The following AP3B2 variants were observed in gnomAD, a reference collection of about 807,000 sequenced individuals.
The protein encoded by AP3B2 is AP-3 complex subunit beta-2.
Under a neutral mutation model 126.9 loss-of-function variants are expected in AP3B2, and 50 were observed. The observed-to-expected ratio is 0.39, with a 90% confidence interval of 0.31 to 0.50. The LOEUF (loss-of-function observed/expected upper bound fraction) is 0.50, where lower values mean the gene tolerates loss of function less well. Among genes scored for constraint, AP3B2 ranks in the 20% least tolerant of loss-of-function variants. The pLI is 0.79. For missense variants in AP3B2, 1,177 were observed against 1,426.4 expected, an observed-to-expected ratio of 0.83 and a Z score of 2.82; for synonymous variants, 541 against 565.0, an observed-to-expected ratio of 0.96 and a Z score of 0.60.
intron 14 of AP3B2, among the ~76,000 whole-genome samples, chr15:82,670,804 A>C (rs752212564): frequency 3.9e-5 from 6 of 152,226 alleles, no homozygotes; most frequent in African/African-American, 7.2e-5. Context: ...CCATCTGACA[A>C]GGGATTAATA....
chr15:82,684,706 G>T (rs890281219), intron 4 of AP3B2, among the ~76,000 whole-genome samples: 1 of 152,032 alleles, frequency 6.6e-6, no homozygotes, highest in African/African-American at 2.4e-5. Flanking sequence ...TTATAGAGAC[G>T]GTCTTGAACC....
rs1360845622 is a variant in AP3B2, at chr15:82,672,835, A to T, written c.1665+3626T>A. Among the ~76,000 whole-genome samples the T allele has an allele frequency of 2.6e-5, 4 of 152,324 alleles. No individual in the cohort carries two copies. The East Asian group carries it at 7.7e-4, about 29-fold the overall frequency. On this transcript the variant is annotated intron_variant, in intron 14 of 26. Coordinates refer to ENST00000535359, the MANE Select transcript of AP3B2 (RefSeq NM_001278512.2). ...CCTTGTGGCTTTGGAGAAATTAAGC[A>T]TCCGTGTTGGGAGGCCCCTATGGCA...
chr15:82,663,824 G>T lies in AP3B2; in HGVS notation c.2413C>A (p.Pro805Thr), dbSNP rs1227217372. The change falls in exon 20 of 27, where the codon CCT becomes ACT. Residue 805 changes from proline (P) to threonine (T), a missense_variant. This residue lies in a region of AP3B2 where 587 missense variants were observed against 571.3 expected (regional missense o/e 1.03). Coordinates refer to ENST00000535359, the MANE Select transcript of AP3B2 (RefSeq NM_001278512.2). ...TSESEEEQLE[P>T]ASWSRKTPPS... ...ACTGTTTTCCTGCTCCAGGAGGCAG[G>T]TTCTAACTGCTCCTCCTCGGACTCC... is the stretch of plus-strand genomic sequence containing the variant. 1 of 1,613,692 alleles carries T rather than the reference G, an allele frequency of 6.2e-7. No individual in the cohort carries two copies. The highest frequency in any genetic ancestry group is 1.1e-5 in the South Asian group (1 of 90,972).
rs376550947 is a variant in AP3B2, at chr15:82,663,227, G to A, written c.2504C>T (p.Pro835Leu). The change falls in exon 22 of 27, where the codon CCT becomes CTT. Residue 835 changes from proline (P) to leucine (L), a missense_variant. Physicochemically the swap from Pro to Leu is moderately conservative, Grantham distance 98. This residue lies in a region of AP3B2 where 587 missense variants were observed against 571.3 expected (regional missense o/e 1.03). Transcript: ENST00000535359. ...GGGAGACACAGGCTGGACACTGGGAGGGGTGACTGTGGGAGTAGATAAGAC... is the reference window on the plus strand; with the variant it reads ...GGGAGACACAGGCTGGACACTGGGAAGGGTGACTGTGGGAGTAGATAAGAC... ...ISLLDLEDFT[P>L]PSVQPVSPPA... is the part of the protein sequence containing the mutation. 3 of 1,612,360 alleles carry A rather than the reference G, an allele frequency of 1.9e-6. No individual in the cohort carries two copies. Among genetic ancestry groups the A allele is most frequent in the Admixed American group, 3.3e-5 (2 of 59,936 alleles).
In AP3B2 at chr15:82,664,055, A is replaced by G. The variant is rs973449440; in HGVS notation, c.2262-80T>C. ...TCACAGAAGCAGGAGAAATGCTGAAAAGCTGGAGTGGTGTGGGGAGCCTGA... is the reference window on the plus strand; with the variant it reads ...TCACAGAAGCAGGAGAAATGCTGAAGAGCTGGAGTGGTGTGGGGAGCCTGA... On this transcript the variant is annotated intron_variant, in intron 19 of 26. Coordinates refer to ENST00000535359, the MANE Select transcript of AP3B2 (RefSeq NM_001278512.2). This position sits in a 1 kb window ranked among gnomAD's most constrained non-coding sequence, Gnocchi z 4.5. 1 of 1,511,018 alleles carries G rather than the reference A, an allele frequency of 6.6e-7. No individual in the cohort carries two copies. The highest frequency in any genetic ancestry group is 8.8e-7 in the Non-Finnish European group (1 of 1,132,340). 93.6% of individuals were successfully genotyped at this position (1,511,018 alleles called of 1,614,324 possible). A position where few individuals can be genotyped will look rare whatever the true frequency, so the allele number is the denominator to read the frequency against.
At position 82,663,956 on chromosome 15, in the gene AP3B2, C is replaced by G. The variant is rs2048005309; in HGVS notation, c.2281G>C (p.Gly761Arg). 1.2e-6 allele frequency: 2 copies of G among 1,605,252 alleles called. No homozygotes were observed. The highest frequency in any genetic ancestry group is 1.3e-5 in the African/African-American group (1 of 74,930). ...ACCTTCTTCTTTGTCTTCCTCTTAC[C>G]ATCCTCCTCACTCTGTTCACTGAAG... ...GSESEQSEED[G>R]KRKTKKKVPE... is the part of the protein sequence containing the mutation. The change falls in exon 20 of 27, where the codon GGT becomes CGT. Residue 761 changes from glycine to arginine, a missense_variant. This residue lies in a region of AP3B2 where 587 missense variants were observed against 571.3 expected (regional missense o/e 1.03). Coordinates refer to ENST00000535359, the MANE Select transcript of AP3B2 (RefSeq NM_001278512.2).
chr15:82,674,752 G>A (rs556068482), intron 14 of AP3B2, among the ~76,000 whole-genome samples: 1 of 152,260 alleles, frequency 6.6e-6, no homozygotes, highest in Non-Finnish European at 1.5e-5. Flanking sequence ...AATGACATGT[G>A]GACAGGCCCA....
intron 23 of AP3B2, 109 bp from the exon 24 acceptor site, chr15:82,662,361 C>A: frequency 1.1e-6 from 1 of 887,024 alleles, no homozygotes; most frequent in Non-Finnish European, 1.8e-6. Flanking sequence ...CTGACCAGCC[C>A]TCTACAGAAT....
chr15:82,663,891 G>A lies in AP3B2; in HGVS notation c.2346C>T (p.Gly782=). The A allele has an allele frequency of 6.2e-7, 1 of 1,613,628 alleles. No homozygotes were observed. The highest frequency in any genetic ancestry group is 8.5e-7 in the Non-Finnish European group (1 of 1,179,870). ...CTGATGAGCTACTGCTGGAATCGCT[G>A]CCCTCATCAGAGGATGACGCTTCTC... ...RKGEASSSDE[G]SDSSSSSSES... The change falls in exon 20 of 27, where the codon GGC becomes GGT. Residue 782 remains glycine (G), a synonymous_variant. Coordinates refer to ENST00000535359, the MANE Select transcript of AP3B2 (RefSeq NM_001278512.2).
intron 4 of AP3B2, chr15:82,686,576 T>C (rs944354595): frequency 3.3e-5 from 5 of 152,254 alleles, no homozygotes; most frequent in Non-Finnish European, 7.3e-5. Flanking sequence ...TCATTTCTTA[T>C]GGATATTCAT....
intron 14 of AP3B2, among the ~76,000 whole-genome samples, chr15:82,671,924 A>G (rs971284429): frequency 3.3e-5 from 5 of 151,862 alleles, no homozygotes; most frequent in African/African-American, 4.8e-5. Flanking sequence ...GGCGCCTGTA[A>G]TCCCAGCTAC....
Position 82,663,599 on chromosome 15 carries a change from G to A in AP3B2, c.2458C>T (p.Pro820Ser), listed in dbSNP as rs201703765. ...RKTPPSSKSA[P>S]ATKEISLLDL... ...AGCAGGGAGATCTCCTTGGTTGCAG[G>A]AGCACTTTTGCTGCTGGGAGGCTGA... The change falls in exon 21 of 27, where the codon CCT becomes TCT. Residue 820 changes from proline to serine, a missense_variant. Pro to Ser is a moderately conservative substitution (Grantham distance 74). Coordinates refer to ENST00000535359, the MANE Select transcript of AP3B2 (RefSeq NM_001278512.2). 6.2e-7 allele frequency: 1 copy of A among 1,613,874 alleles called. No homozygotes were observed. Among genetic ancestry groups the A allele is most frequent in the African/African-American group, 1.3e-5 (1 of 75,038 alleles).
chr15:82,709,561 C>A, intron 1 of AP3B2, 33 bp downstream of exon 1: 2 of 1,461,590 alleles, frequency 1.4e-6, no homozygotes, highest in Non-Finnish European at 1.8e-6. Context: ...CCGGCCCCAA[C>A]CCTCCCGCGA....
chr15:82,683,839 G>C (rs1596185634), intron 4 of AP3B2, among the ~76,000 whole-genome samples: 1 of 152,178 alleles, frequency 6.6e-6, no homozygotes, highest in South Asian at 2.1e-4. Context: ...GTGTTAGCAG[G>C]CATGAAATCA....
At position 82,681,119 on chromosome 15, in the gene AP3B2, T is replaced by C; in HGVS notation, c.581A>G (p.Lys194Arg). Reference protein sequence around the residue: ...IEVIEKLLADKTTLVAGSVVM... With the variant: ...IEVIEKLLADRTTLVAGSVVM... ...GCGCCCCTATACACGCACCGTGGTCTTGTCAGCCAGAAGCTTCTCAATGAC... is the reference window on the plus strand; with the variant it reads ...GCGCCCCTATACACGCACCGTGGTCCTGTCAGCCAGAAGCTTCTCAATGAC... Residue 194 changes from lysine to arginine, a missense_variant, in exon 6 of 27, where the codon AAG becomes AGG. Physicochemically the swap from Lys to Arg is conservative, Grantham distance 26. Transcript: ENST00000535359. This position sits in a 1 kb window ranked among gnomAD's most constrained non-coding sequence, Gnocchi z 4.0. The C allele has an allele frequency of 6.2e-7, 1 of 1,613,544 alleles. No individual in the cohort carries two copies. The highest frequency in any genetic ancestry group is 8.5e-7 in the Non-Finnish European group (1 of 1,179,702).
intron 1 of AP3B2, among the ~76,000 whole-genome samples, chr15:82,703,692 C>A (rs1205703354): frequency 1.3e-5 from 2 of 152,106 alleles, no homozygotes; most frequent in African/African-American, 4.8e-5. Flanking sequence ...GTCTGAGGTG[C>A]CTGATGTCCA....
In AP3B2 at chr15:82,665,544, G is replaced by A; in HGVS notation, c.1884C>T (p.Ser628=). ...DRDHFQLGSL[S]HLLNAKATGY... ...CTGTGGCCTTGGCATTAAGCAGGTG[G>A]GACAGTGAGCCCAGCTGGAAGTGGT... The change falls in exon 16 of 27, where the codon TCC becomes TCT. Residue 628 remains serine (S), a synonymous_variant. Transcript: ENST00000535359. This position sits in a 1 kb window ranked among gnomAD's most constrained non-coding sequence, Gnocchi z 4.4. 8.7e-6 allele frequency: 14 copies of A among 1,614,000 alleles called. No homozygotes were observed. The highest frequency in any genetic ancestry group is 1.3e-5 in the African/African-American group (1 of 75,044).
intron 1 of AP3B2, chr15:82,697,983 G>A (rs1477426182): frequency 6.5e-6 from 1 of 152,694 alleles, no homozygotes; most frequent in African/African-American, 2.4e-5. Context: ...GAGGGCCTAG[G>A]AAAAATGACA....
intron 14 of AP3B2, among the ~76,000 whole-genome samples, chr15:82,669,728 T>C (rs532164436): frequency 5.5e-5 from 8 of 145,250 alleles, no homozygotes; most frequent in African/African-American, 1.8e-4. Flanking sequence ...CCAGGCACAG[T>C]GGCTCACACC....
Sources: gnomAD v4.1 joint callset for allele counts (sites outside exome capture counted in the v4.1 genomes callset) on GRCh38, gnomAD v4.1.1 for gene constraint, gnomAD v4.1.1 regional missense constraint, Gnocchi (gnomAD v3.1) non-coding constraint, MANE v1.5 for transcripts, NCBI Gene and HGNC (gene_info 2026-07-23, HGNC 2026-07-21) for gene names.